TRHDE: variants seen among roughly 807,000 people sequenced by gnomAD.
TRHDE encodes thyrotropin releasing hormone degrading enzyme.
A neutral mutation model predicts 125.7 loss-of-function variants in TRHDE; 72 were observed. That is an observed-to-expected ratio of 0.57 (90% CI 0.47 to 0.70). The LOEUF (loss-of-function observed/expected upper bound fraction) is 0.70. Ranked by LOEUF, TRHDE falls within the 30% of genes least tolerant of loss-of-function variation. The pLI is 0.00. For synonymous variants in TRHDE, 509 were observed against 509.1 expected (o/e 1.00, Z 0.00); for missense variants, 1,110 against 1,327.1 (o/e 0.84, Z 2.54).
chr12:72,493,899 C>T (rs996796508), intron 5 of TRHDE, among the ~76,000 whole-genome samples: 4 of 152,098 alleles, frequency 2.6e-5, no homozygotes, highest in East Asian at 1.9e-4. Flanking sequence ...ACAGCCTTTT[C>T]GGTGTAGTCA....
chr12:72,531,363 G>T (rs2135975026), intron 6 of TRHDE, among the ~76,000 whole-genome samples: 1 of 151,858 alleles, frequency 6.6e-6, no homozygotes, highest in East Asian at 1.9e-4. Flanking sequence ...AATGAGAGTT[G>T]CTTTTTGTTT....
rs376046140 is a variant in TRHDE, at chr12:72,640,237, A to G, written c.2676-12085A>G. 4.6e-5 allele frequency among the ~76,000 whole-genome samples: 7 copies of G among 152,274 alleles called. No individual in the cohort carries two copies. In the South Asian group the frequency reaches 8.3e-4, roughly 18 times the overall value. On this transcript the variant is annotated intron_variant, in intron 15 of 18. Transcript: ENST00000261180. Reference sequence around the variant, plus strand: ...TGTTTTTTAAGCCCGTCGGAAAAGCACAGTATTCGGGTGGGAGTGACCCGA... The same window carrying G: ...TGTTTTTTAAGCCCGTCGGAAAAGCGCAGTATTCGGGTGGGAGTGACCCGA...
intron 2 of TRHDE, among the ~76,000 whole-genome samples, chr12:72,223,832 G>T (rs147838108): frequency 6.6e-6 from 1 of 151,768 alleles, no homozygotes; most frequent in South Asian, 2.1e-4. Context: ...ATTCTATCTC[G>T]CATCCAGCTC....
intron 15 of TRHDE, among the ~76,000 whole-genome samples, chr12:72,630,031 A>AAT (rs149164331): frequency 4.1e-4 from 61 of 149,382 alleles, no homozygotes; most frequent in East Asian, 1.4e-3. Flanking sequence ...ATATATAATG[A>AAT]ATATATATAT....
In TRHDE at chr12:72,273,930, G is replaced by A; in HGVS notation, c.914+373G>A. The A allele has an allele frequency of 4.7e-6, 1 of 213,546 alleles. No homozygotes were observed. The highest frequency in any genetic ancestry group is 9.4e-6 in the Non-Finnish European group (1 of 105,854). The allele number at this position is 213,546 out of a possible 1,614,324, so 13.2% of individuals were successfully genotyped here. ...GAAAAGCTTGCCAAGTTACTGTCGAGGGAAAATACGTGGCGCTGAAGGCCA... is the reference window on the plus strand; with the variant it reads ...GAAAAGCTTGCCAAGTTACTGTCGAAGGAAAATACGTGGCGCTGAAGGCCA... On this transcript the variant is annotated intron_variant, in intron 1 of 18. Transcript: ENST00000261180. The surrounding 1 kb of genome is among the most constrained non-coding windows in gnomAD (Gnocchi z 5.3).
intron 2 of TRHDE, among the ~76,000 whole-genome samples, chr12:72,300,158 T>G (rs1880449457): frequency 6.6e-6 from 1 of 152,136 alleles, no homozygotes; most frequent in African/African-American, 2.4e-5. Context: ...AGTGTTAGGT[T>G]TCATCTCCTC....
rs144952198 is a variant in TRHDE at position 72,263,165 on chromosome 12, T to G, written n.280-114830T>G. The G allele has an allele frequency of 1.1e-4, 16 of 152,256 alleles. No individual in the cohort carries two copies. The East Asian group carries it at 3.1e-3, about 29-fold the overall frequency. The allele number at this position is 152,256 out of a possible 1,614,324, so 9.4% of individuals were successfully genotyped here. ...GATAAAATTTATCCCAGGAATTGTG[T>G]GCTGAAGTATCACCTATTTGTACAT... On this transcript the variant is annotated intron_variant and non_coding_transcript_variant, in intron 2 of 4. Transcript: ENST00000548156.
intron 5 of TRHDE, among the ~76,000 whole-genome samples, chr12:72,485,507 C>T (rs1310008084): frequency 6.6e-6 from 1 of 152,152 alleles, no homozygotes; most frequent in Non-Finnish European, 1.5e-5. Flanking sequence ...GCCTCCTGCA[C>T]ACCAGAGCAG....
Position 72,314,713 on chromosome 12 carries a change from A to T in TRHDE, c.1188+27759A>T, listed in dbSNP as rs567785042. Among the ~76,000 whole-genome samples, 3 of 149,612 alleles carry T rather than the reference A, an allele frequency of 2.0e-5. No individual in the cohort carries two copies. The South Asian group carries it at 6.3e-4, about 32-fold the overall frequency. ...TTATATTGAATTGTGGCAAGTGGAT[A>T]AAAAAAAAATCAGAGTTTTAAAAAG... On this transcript the variant is annotated intron_variant, in intron 2 of 18. Transcript: ENST00000261180.
rs536423551 is a variant in TRHDE, at chr12:72,554,380, A to G, written c.1789-7785A>G. On this transcript the variant is annotated intron_variant, in intron 7 of 18. Transcript: ENST00000261180. ...AAGCACTACATTATGTACATTTTTC[A>G]GTTGAAGAAATTAAGGTTTAGAGAA... is the stretch of plus-strand genomic sequence containing the variant. Among the ~76,000 whole-genome samples the G allele has an allele frequency of 2.2e-3, 336 of 152,264 alleles. 2 individuals are homozygous for G. The highest frequency in any genetic ancestry group is 7.6e-3 in the African/African-American group (314 of 41,548).
intron 17 of TRHDE, among the ~76,000 whole-genome samples, chr12:72,655,938 A>G (rs1874692707): frequency 6.6e-6 from 1 of 152,162 alleles, no homozygotes; most frequent in African/African-American, 2.4e-5. Flanking sequence ...TTCTCATTTT[A>G]TAGATGAGAA....
intron 3 of TRHDE, among the ~76,000 whole-genome samples, chr12:72,410,144 T>C (rs140225186): frequency 0.01 from 1,549 of 152,114 alleles, 39 homozygotes; most frequent in African/African-American, 0.035. Context: ...TTCATGTCAA[T>C]GGTTTTGACA....
At chr12:72,582,108 A>T (rs1352128623) in intron 12 of TRHDE, 8 of 337,356 alleles carry the variant, frequency 2.4e-5, no homozygotes, top group Non-Finnish European at 3.3e-5. Context: ...TCTCAAAAAA[A>T]AAAAAAAAAA....
chr12:72,456,010 C>A (rs1458884723), intron 3 of TRHDE, among the ~76,000 whole-genome samples: 1 of 151,362 alleles, frequency 6.6e-6, no homozygotes, highest in Non-Finnish European at 1.5e-5. Flanking sequence ...TGTATACTCA[C>A]ACACATATAT....
chr12:72,433,818 G>A (rs1191883244), intron 3 of TRHDE, among the ~76,000 whole-genome samples: 1 of 151,326 alleles, frequency 6.6e-6, no homozygotes, highest in East Asian at 1.9e-4. Flanking sequence ...GGGAATGGAT[G>A]TAGAAAGAAG....
chr12:72,362,597 G>T (rs1871151085), intron 2 of TRHDE, among the ~76,000 whole-genome samples: 1 of 150,280 alleles, frequency 6.7e-6, no homozygotes, highest in Non-Finnish European at 1.5e-5. Context: ...TTTGGCTTTT[G>T]TTGCCATTGC....
chr12:72,394,096 G>A (rs1425250737), intron 3 of TRHDE, among the ~76,000 whole-genome samples: 1 of 152,104 alleles, frequency 6.6e-6, no homozygotes, highest in Admixed American at 6.5e-5. Context: ...TAATTCCATT[G>A]ACTTGGAGAC....
rs1311532074 is a variant in TRHDE, at chr12:72,273,657, C to T, written c.914+100C>T. The T allele has an allele frequency of 2.5e-6, 3 of 1,199,516 alleles. No individual in the cohort carries two copies. Among genetic ancestry groups the T allele is most frequent in the Non-Finnish European group, 3.5e-6 (3 of 859,744 alleles). The allele number at this position is 1,199,516 out of a possible 1,614,324, so 74.3% of individuals were successfully genotyped here. On this transcript the variant is annotated intron_variant, in intron 1 of 18. Coordinates refer to ENST00000261180, the MANE Select transcript of TRHDE (RefSeq NM_013381.3). This position sits in a 1 kb window ranked among gnomAD's most constrained non-coding sequence, Gnocchi z 5.3. ...GGGGACCCAGCTGGCTTCCAATACCCGGGAAGCCAGGGGTGGGGGGAAGGA... is the reference window on the plus strand; with the variant it reads ...GGGGACCCAGCTGGCTTCCAATACCTGGGAAGCCAGGGGTGGGGGGAAGGA...
chr12:72,368,839 A>G (rs1353726313), intron 2 of TRHDE, among the ~76,000 whole-genome samples: 1 of 152,168 alleles, frequency 6.6e-6, no homozygotes, highest in Non-Finnish European at 1.5e-5. Flanking sequence ...TTTCCTAAAG[A>G]ATATTCTACC....
Sources: gnomAD v4.1 joint callset for allele counts (sites outside exome capture counted in the v4.1 genomes callset) on GRCh38, gnomAD v4.1.1 for gene constraint, Gnocchi (gnomAD v3.1) non-coding constraint, MANE v1.5 for transcripts, NCBI Gene and HGNC (gene_info 2026-07-23, HGNC 2026-07-21) for gene names.